CDH13: variants seen among roughly 807,000 people sequenced by gnomAD.
CDH13 encodes cadherin 13, also known as cadherin-13.
In CDH13, 24 loss-of-function variants were observed where a neutral mutation model predicts 63.8. That is an observed-to-expected ratio of 0.38 (90% confidence interval 0.27 to 0.53). The LOEUF is 0.53. Ranked by LOEUF, CDH13 falls within the 20% of genes least tolerant of loss-of-function variation. The probability of loss-of-function intolerance (pLI) is 0.85; values close to 1 mark genes in which losing one functional copy is unlikely to be tolerated. For missense variants in CDH13, 1,049 were observed against 903.1 expected (o/e 1.16, Z -2.07); for synonymous variants, 503 against 355.3 (o/e 1.42, Z -4.67).
chr16:83,289,915 C>T (rs950326681), intron 5 of CDH13, among the ~76,000 whole-genome samples: 3 of 152,160 alleles, frequency 2.0e-5, no homozygotes, highest in African/African-American at 4.8e-5. Context: ...AGTGATCCCA[C>T]CTCTATAGCC....
chr16:82,816,466 G>A (rs1693948330), intron 1 of CDH13, among the ~76,000 whole-genome samples: 1 of 152,126 alleles, frequency 6.6e-6, no homozygotes, highest in African/African-American at 2.4e-5. Flanking sequence ...AATCAAGGAG[G>A]ATAGAGTTGG....
At chr16:82,995,312 C>A (rs1037106800) in intron 2 of CDH13, among the ~76,000 whole-genome samples, 3 of 152,210 alleles carry the variant, frequency 2.0e-5, no homozygotes, top group African/African-American at 7.2e-5. Context: ...TTTCTCCAGC[C>A]ACCTTGCATC....
intron 6 of CDH13, among the ~76,000 whole-genome samples, chr16:83,399,966 A>G (rs1351019997): frequency 6.6e-6 from 1 of 152,146 alleles, no homozygotes; most frequent in Non-Finnish European, 1.5e-5. Context: ...AAAACCACCT[A>G]TGTGTTGCAA....
intron 8 of CDH13, among the ~76,000 whole-genome samples, chr16:83,623,605 C>G (rs573240883): frequency 6.6e-6 from 1 of 152,162 alleles, no homozygotes; most frequent in African/African-American, 2.4e-5. Context: ...GGTGTCTTTG[C>G]TAATCGCCCC....
At chr16:83,036,173 G>A (rs1459352384) in intron 3 of CDH13, among the ~76,000 whole-genome samples, 2 of 144,524 alleles carry the variant, frequency 1.4e-5, no homozygotes, top group Non-Finnish European at 3.0e-5. Flanking sequence ...TTTTGAGATA[G>A]GGTCTCAGTC....
chr16:83,755,272 C>G (rs1913411714), intron 11 of CDH13, among the ~76,000 whole-genome samples: 2 of 152,002 alleles, frequency 1.3e-5, no homozygotes, highest in South Asian at 4.1e-4. Context: ...ATAGCAAACA[C>G]CACAAGGGAA....
At chr16:82,777,551 T>C (rs2035554846) in intron 1 of CDH13, among the ~76,000 whole-genome samples, 1 of 152,242 alleles carries the variant, frequency 6.6e-6, no homozygotes, top group South Asian at 2.1e-4. Context: ...TACCATCGTC[T>C]ATAATATATC....
chr16:83,187,509 C>T (rs889496874), intron 4 of CDH13, among the ~76,000 whole-genome samples: 2 of 151,980 alleles, frequency 1.3e-5, no homozygotes, highest in Admixed American at 1.3e-4. Context: ...TTGGATACAG[C>T]CTGGCCTGAA....
chr16:83,068,218 C>T (rs1180925019), intron 3 of CDH13, among the ~76,000 whole-genome samples: 1 of 152,170 alleles, frequency 6.6e-6, no homozygotes, highest in African/African-American at 2.4e-5. Context: ...TCTTAAGTGC[C>T]AGACATCATT....
At chr16:83,752,054 C>A (rs1187302258) in intron 11 of CDH13, among the ~76,000 whole-genome samples, 4 of 152,134 alleles carry the variant, frequency 2.6e-5, no homozygotes, top group African/African-American at 9.7e-5. Context: ...TGAAAATAAG[C>A]CAAGATTGTT....
At chr16:83,277,586 G>C (rs1446213587) in intron 5 of CDH13, among the ~76,000 whole-genome samples, 1 of 152,088 alleles carries the variant, frequency 6.6e-6, no homozygotes, top group Non-Finnish European at 1.5e-5. Flanking sequence ...GGTGTTTTGT[G>C]CGTTCATCCC....
At chr16:82,674,130 G>C (rs565022923) in intron 1 of CDH13, among the ~76,000 whole-genome samples, 1 of 152,280 alleles carries the variant, frequency 6.6e-6, no homozygotes, top group Non-Finnish European at 1.5e-5. Flanking sequence ...ATGGATGGCA[G>C]ACACTTGTAA....
intron 2 of CDH13, among the ~76,000 whole-genome samples, chr16:83,017,742 T>C (rs1186821257): frequency 2.6e-5 from 4 of 152,180 alleles, no homozygotes; most frequent in African/African-American, 7.2e-5. Flanking sequence ...GACTTGAATA[T>C]ATAGGGAAAC....
At chr16:82,779,284 T>C (rs974938590) in intron 1 of CDH13, among the ~76,000 whole-genome samples, 2 of 152,000 alleles carry the variant, frequency 1.3e-5, no homozygotes, top group African/African-American at 4.8e-5. Context: ...ATCACACAGA[T>C]AGTAGGCAGT....
intron 2 of CDH13, among the ~76,000 whole-genome samples, chr16:82,901,743 G>A (rs542171178): frequency 1.3e-5 from 2 of 152,246 alleles, no homozygotes; most frequent in African/African-American, 2.4e-5. Flanking sequence ...AAATGGATAC[G>A]AACCATATAC....
Position 83,230,787 on chromosome 16 carries a change from A to G in CDH13, c.636+13290A>G, listed in dbSNP as rs193271083. Among the ~76,000 whole-genome samples, 63 of 152,348 alleles carry G rather than the reference A, an allele frequency of 4.1e-4. 1 individual carries two copies. Among genetic ancestry groups the G allele is most frequent in the African/African-American group, 1.3e-3 (56 of 41,590 alleles). On this transcript the variant is annotated intron_variant, in intron 5 of 13. Coordinates refer to ENST00000567109, the MANE Select transcript of CDH13 (RefSeq NM_001257.5). ...GGTGACAGAGCGAGACTCTGTCTCA[A>G]AGTTATCCCAGAGGATATCAAACTG...
intron 10 of CDH13, among the ~76,000 whole-genome samples, chr16:83,719,590 A>C (rs1047824464): frequency 6.6e-6 from 1 of 152,170 alleles, no homozygotes; most frequent in African/African-American, 2.4e-5. Flanking sequence ...GTAGCTACCG[A>C]GCGCTTCCTG....
intron 3 of CDH13, among the ~76,000 whole-genome samples, chr16:83,118,903 A>C (rs2035435989): frequency 6.6e-6 from 1 of 151,104 alleles, no homozygotes; most frequent in Admixed American, 6.6e-5. Context: ...TTCTTTCTTC[A>C]CCACTGTGCT....
At chr16:83,687,429 C>G (rs983907031) in intron 10 of CDH13, among the ~76,000 whole-genome samples, 3 of 152,068 alleles carry the variant, frequency 2.0e-5, no homozygotes, top group Non-Finnish European at 4.4e-5. Context: ...CTTCACATGT[C>G]CAGAGTAGCT....
Sources: gnomAD v4.1 joint callset for allele counts (sites outside exome capture counted in the v4.1 genomes callset) on GRCh38, gnomAD v4.1.1 for gene constraint, MANE v1.5 for transcripts, NCBI Gene and HGNC (gene_info 2026-07-23, HGNC 2026-07-21) for gene names.